ABCB5: variants seen among roughly 807,000 people sequenced by gnomAD.
ABCB5 encodes ATP binding cassette subfamily B member 5.
ABCB5 carries 155 observed loss-of-function variants against 144.2 expected under a neutral mutation model. That is an observed-to-expected ratio of 1.08 (90% CI 0.94 to 1.23). The LOEUF (loss-of-function observed/expected upper bound fraction) is 1.23. Ranked by LOEUF, ABCB5 falls within the 50% of genes most tolerant of loss-of-function variation. ABCB5 has a pLI of 0.00. For synonymous variants in ABCB5, 610 were observed against 528.6 expected (o/e 1.15, Z -2.11); for missense variants, 1,830 against 1,520.8 (o/e 1.20, Z -3.38).
chr7:20,636,423 A>T (rs998014667), intron 5 of ABCB5, among the ~76,000 whole-genome samples: 2 of 152,274 alleles, frequency 1.3e-5, no homozygotes, highest in East Asian at 1.9e-4. Context: ...ATAAGGAAAC[A>T]TACTTACCTT....
intron 14 of ABCB5, among the ~76,000 whole-genome samples, chr7:20,663,858 G>A (rs1785084912): frequency 6.6e-6 from 1 of 151,802 alleles, no homozygotes; most frequent in African/African-American, 2.4e-5. Flanking sequence ...TGGGATTACA[G>A]GCACACACCA....
intron 14 of ABCB5, among the ~76,000 whole-genome samples, chr7:20,665,035 A>G (rs886173598): frequency 1.3e-5 from 2 of 152,252 alleles, no homozygotes; most frequent in African/African-American, 4.8e-5. Flanking sequence ...TAACTTATTT[A>G]GAAGTGACAA....
intron 9 of ABCB5, 31 bp downstream of exon 9, chr7:20,646,169 C>G: frequency 6.3e-7 from 1 of 1,575,664 alleles, no homozygotes; most frequent in Non-Finnish European, 8.6e-7. Context: ...AGGTGTCAGG[C>G]CTGGATAATC....
At chr7:20,755,348 C>A in intron 27 of ABCB5, 79 bp from the exon 28 acceptor site, 2 of 1,272,378 alleles carry the variant, frequency 1.6e-6, no homozygotes, top group South Asian at 1.3e-5. Context: ...GGTTATTAGA[C>A]TACCTTAATT....
In ABCB5 at chr7:20,753,486, C is replaced by G; in HGVS notation, c.3556C>G (p.Leu1186Val). Residue 1186 changes from leucine to valine, a missense_variant, in exon 27 of 28, where the codon CTC becomes GTC. By Grantham distance (32) the Leu-to-Val change is conservative. Coordinates refer to ENST00000404938, the MANE Select transcript of ABCB5 (RefSeq NM_001163941.2). Reference sequence around the variant, plus strand: ...ATTGTTGGATGAGGCCACTTCAGCCCTCGATAATGACAGTGAGAAGGTAAC... The same window carrying G: ...ATTGTTGGATGAGGCCACTTCAGCCGTCGATAATGACAGTGAGAAGGTAAC... ...ILLLDEATSA[L>V]DNDSEKVVQH... 1 of 1,613,530 alleles carries G rather than the reference C, an allele frequency of 6.2e-7. No homozygotes were observed. The highest frequency in any genetic ancestry group is 8.5e-7 in the Non-Finnish European group (1 of 1,179,786).
chr7:20,737,384 A>G (rs993901268), intron 23 of ABCB5, among the ~76,000 whole-genome samples: 1 of 151,964 alleles, frequency 6.6e-6, no homozygotes, highest in Non-Finnish European at 1.5e-5. Context: ...TCCATTCTCC[A>G]TCCTTTGGGT....
In ABCB5 at chr7:20,628,692, G is replaced by T. The variant is rs767933970; in HGVS notation, c.113G>T (p.Arg38Leu). 3.7e-6 allele frequency: 6 copies of T among 1,611,902 alleles called. No individual in the cohort carries two copies. The highest frequency in any genetic ancestry group is 4.2e-6 in the Non-Finnish European group (5 of 1,178,978). ...KEAVGSIEIF[R>L]FADGLDITLM... The stretch of plus-strand genomic sequence containing the variant: ...ACCGTGCTTTGTTTTCCTCAGTTCC[G>T]CTTTGCTGATGGACTGGACATCACA... Residue 38 changes from arginine (R) to leucine (L), a missense_variant, in exon 4 of 28, where the codon CGC (arginine) becomes CTC (leucine). Arg to Leu is a moderately radical substitution (Grantham distance 102). Coordinates refer to ENST00000404938, the MANE Select transcript of ABCB5 (RefSeq NM_001163941.2).
chr7:20,656,653 C>A (rs1784800719), intron 13 of ABCB5, among the ~76,000 whole-genome samples: 1 of 151,484 alleles, frequency 6.6e-6, no homozygotes, highest in African/African-American at 2.4e-5. Flanking sequence ...CTCATTCATT[C>A]AAATAAAAGT....
intron 5 of ABCB5, among the ~76,000 whole-genome samples, chr7:20,636,621 T>A (rs1160483306): frequency 6.6e-6 from 1 of 151,486 alleles, no homozygotes; most frequent in Non-Finnish European, 1.5e-5. Flanking sequence ...TCCGTCTCTA[T>A]TAAGAATACA....
chr7:20,686,605 C>T (rs1436344088), intron 16 of ABCB5, among the ~76,000 whole-genome samples: 2 of 152,180 alleles, frequency 1.3e-5, no homozygotes, highest in Non-Finnish European at 2.9e-5. Context: ...AGCTCCAGCC[C>T]TCTTCCCAAA....
chr7:20,626,795 G>A (rs1783918962), intron 3 of ABCB5, among the ~76,000 whole-genome samples, 184 bp downstream of exon 3: 1 of 151,726 alleles, frequency 6.6e-6, no homozygotes, highest in African/African-American at 2.4e-5. Context: ...TACAATAAAG[G>A]ATAGGGAAAA....
chr7:20,712,100 G>C (rs1787093879), intron 20 of ABCB5, among the ~76,000 whole-genome samples: 1 of 133,080 alleles, frequency 7.5e-6, no homozygotes, highest in South Asian at 2.4e-4. Flanking sequence ...CATTAGCCGG[G>C]CATGCTGGCA....
chr7:20,726,888 T>C lies in ABCB5; in HGVS notation c.2626-152T>C, dbSNP rs183344724. On this transcript the variant is annotated intron_variant, in intron 21 of 27. Transcript: ENST00000404938. ...AGTGTCATTTTTCTATCTTATTTTC[T>C]GGGAGGAAAGGAAGCTAAGAATATT... 6.8e-4 allele frequency: 321 copies of C among 468,664 alleles called. 3 individuals carry two copies. In the East Asian group the frequency reaches 0.011, roughly 16 times the overall value. 29.0% of individuals were successfully genotyped at this position (468,664 alleles called of 1,614,324 possible). A position where few individuals can be genotyped will look rare whatever the true frequency, so the allele number is the denominator to read the frequency against.
chr7:20,677,828 A>G (rs1329510332), intron 14 of ABCB5, among the ~76,000 whole-genome samples: 1 of 152,168 alleles, frequency 6.6e-6, no homozygotes, highest in African/African-American at 2.4e-5. Flanking sequence ...GTTATGTGGG[A>G]AAAACCAGCT....
intron 1 of ABCB5, among the ~76,000 whole-genome samples, chr7:20,621,332 T>C (rs1264036994): frequency 6.6e-6 from 1 of 152,122 alleles, no homozygotes; most frequent in Non-Finnish European, 1.5e-5. Context: ...CAACATTGAG[T>C]ATGCACTTAA....
At chr7:20,707,974 T>C (rs1206125046) in intron 20 of ABCB5, among the ~76,000 whole-genome samples, 1 of 151,888 alleles carries the variant, frequency 6.6e-6, no homozygotes, top group African/African-American at 2.4e-5. Context: ...CAGCTAATTT[T>C]TTTTGTATTT....
chr7:20,708,636 G>A (rs1252932391), intron 20 of ABCB5, among the ~76,000 whole-genome samples: 7 of 152,158 alleles, frequency 4.6e-5, no homozygotes, highest in Non-Finnish European at 7.3e-5. Context: ...CAAAAATGAA[G>A]ATGGTTACGT....
intron 13 of ABCB5, among the ~76,000 whole-genome samples, chr7:20,656,794 G>T (rs1034287483): frequency 9.2e-5 from 14 of 151,496 alleles, no homozygotes; most frequent in Non-Finnish European, 1.8e-4. Context: ...AAAATATCTT[G>T]TACATGAATA....
intron 14 of ABCB5, among the ~76,000 whole-genome samples, chr7:20,670,326 G>A (rs1047365718): frequency 6.6e-6 from 1 of 151,032 alleles, no homozygotes; most frequent in African/African-American, 2.4e-5. Flanking sequence ...GTACATGGAA[G>A]CTTCCTGCAC....
Sources: allele counts gnomAD v4.1 joint callset (sites outside exome capture counted in the v4.1 genomes callset), GRCh38; gene constraint gnomAD v4.1.1; transcripts MANE v1.5; gene names NCBI Gene and HGNC (gene_info 2026-07-23, HGNC 2026-07-21).